Variants in CSMD1 observed in about 807,000 individuals in gnomAD.
The protein encoded by CSMD1 is CUB and sushi domain-containing protein 1.
In CSMD1, 213 loss-of-function variants were observed where a neutral mutation model predicts 417.5. The observed-to-expected ratio is 0.51, with a 90% CI of 0.46 to 0.57. CSMD1 has a LOEUF of 0.57. Among genes scored for constraint, CSMD1 ranks in the 20% least tolerant of loss-of-function variants. The probability of loss-of-function intolerance (pLI) is 0.00; values close to 1 mark genes in which losing one functional copy is unlikely to be tolerated. For missense variants in CSMD1, 6,923 were observed against 4,529.7 expected (o/e 1.53, Z -15.17); for synonymous variants, 2,862 against 1,736.8 (o/e 1.65, Z -16.11).
chr8:3,006,506 T>A (rs2128959907), intron 52 of CSMD1, among the ~76,000 whole-genome samples: 1 of 152,252 alleles, frequency 6.6e-6, no homozygotes, highest in Non-Finnish European at 1.5e-5. Context: ...GGTATCACAC[T>A]ACCTGACTTC....
chr8:3,709,033 C>T (rs1488667768), intron 6 of CSMD1, among the ~76,000 whole-genome samples: 2 of 152,188 alleles, frequency 1.3e-5, no homozygotes, highest in Non-Finnish European at 2.9e-5. Flanking sequence ...ACCAGTCCCT[C>T]CAGACGCTTT....
intron 2 of CSMD1, among the ~76,000 whole-genome samples, chr8:4,558,970 A>T (rs1798212644): frequency 6.6e-6 from 1 of 152,124 alleles, no homozygotes; most frequent in Admixed American, 6.6e-5. Flanking sequence ...ACTTTCCCTG[A>T]CTGAACTGGC....
chr8:3,635,793 C>CAAAAAAAAAAAA (rs752552617), intron 7 of CSMD1, among the ~76,000 whole-genome samples: 68 of 99,042 alleles, frequency 6.9e-4, no homozygotes, highest in East Asian at 8.4e-4. Context: ...GCTTCCATCT[C>CAAAAAAAAAAAA]AAAAAAAAAA....
At chr8:3,043,991 A>G (rs1811277422) in intron 50 of CSMD1, among the ~76,000 whole-genome samples, 2 of 152,220 alleles carry the variant, frequency 1.3e-5, no homozygotes, top group African/African-American at 4.8e-5. Context: ...CAGCAGCTTA[A>G]TGTCTACTTC....
intron 3 of CSMD1, among the ~76,000 whole-genome samples, chr8:4,372,985 T>C (rs78645142): frequency 1.3e-5 from 2 of 152,312 alleles, no homozygotes; most frequent in East Asian, 3.9e-4. Flanking sequence ...ATAAAGTGAC[T>C]TCACACTGGA....
chr8:4,086,722 C>A (rs1449491004), intron 3 of CSMD1, among the ~76,000 whole-genome samples: 2 of 152,214 alleles, frequency 1.3e-5, no homozygotes, highest in African/African-American at 2.4e-5. Flanking sequence ...AGATAGATGA[C>A]ATTGACAAGT....
intron 1 of CSMD1, among the ~76,000 whole-genome samples, chr8:4,729,967 C>G (rs1809736128): frequency 6.6e-6 from 1 of 152,154 alleles, no homozygotes; most frequent in South Asian, 2.1e-4. Flanking sequence ...AGCCTAAACA[C>G]GGGACAAATC....
At position 4,741,065 on chromosome 8, in the gene CSMD1, T is replaced by G. The variant is rs191124340; in HGVS notation, c.86-103507A>C. ...TAATCAATTTTCTTCTTAATCCTTA[T>G]GCTTTAAGGAATGAAAATATTAAAT... is the stretch of plus-strand genomic sequence containing the variant. On this transcript the variant is annotated intron_variant, in intron 1 of 69. Coordinates refer to ENST00000635120, the MANE Select transcript of CSMD1 (RefSeq NM_033225.6). Among the ~76,000 whole-genome samples, 214 of 152,354 alleles carry G rather than the reference T, an allele frequency of 1.4e-3. 1 individual carries two copies. Among genetic ancestry groups the G allele is most frequent in the African/African-American group, 5.0e-3 (209 of 41,580 alleles).
intron 2 of CSMD1, among the ~76,000 whole-genome samples, chr8:4,498,677 C>T (rs1467275258): frequency 3.3e-5 from 5 of 152,086 alleles, no homozygotes; most frequent in South Asian, 2.1e-4. Context: ...TCATGTTTAT[C>T]GAGTACCTAC....
At chr8:4,100,786 G>C (rs979203025) in intron 3 of CSMD1, among the ~76,000 whole-genome samples, 7 of 152,156 alleles carry the variant, frequency 4.6e-5, no homozygotes, top group African/African-American at 1.4e-4. Flanking sequence ...TACCTTTAGA[G>C]TATGGTGCCA....
intron 3 of CSMD1, among the ~76,000 whole-genome samples, chr8:4,297,390 T>C (rs936823460): frequency 4.6e-5 from 7 of 152,206 alleles, no homozygotes; most frequent in African/African-American, 1.4e-4. Flanking sequence ...CGTACTGTAA[T>C]TCATTTTTAT....
At chr8:4,121,479 A>T (rs1213234127) in intron 3 of CSMD1, among the ~76,000 whole-genome samples, 2 of 152,188 alleles carry the variant, frequency 1.3e-5, no homozygotes, top group African/African-American at 4.8e-5. Flanking sequence ...GCTTCTAGTT[A>T]CTTTCCTATT....
intron 3 of CSMD1, among the ~76,000 whole-genome samples, chr8:4,333,178 G>C (rs957690561): frequency 6.6e-6 from 1 of 152,086 alleles, no homozygotes; most frequent in Admixed American, 6.6e-5. Context: ...TCCTTCGCAA[G>C]TTGGGATATC....
chr8:3,469,869 A>G (rs1816986375), intron 11 of CSMD1, among the ~76,000 whole-genome samples: 1 of 152,242 alleles, frequency 6.6e-6, no homozygotes. Flanking sequence ...TGTGTGGTTA[A>G]CTAAATATGT....
intron 1 of CSMD1, among the ~76,000 whole-genome samples, chr8:4,894,227 A>G (rs1804322653): frequency 6.6e-6 from 1 of 152,090 alleles, no homozygotes; most frequent in Admixed American, 6.5e-5. Flanking sequence ...CATTTATTTC[A>G]GAATTTGAAG....
intron 2 of CSMD1, among the ~76,000 whole-genome samples, chr8:4,422,382 G>C (rs1471098094): frequency 6.6e-6 from 1 of 152,048 alleles, no homozygotes; most frequent in Non-Finnish European, 1.5e-5. Flanking sequence ...ACTAGATTTG[G>C]AAATGGGGCT....
chr8:4,005,589 T>G (rs17068510), intron 4 of CSMD1, among the ~76,000 whole-genome samples: 32,983 of 152,130 alleles, frequency 0.22, 3,684 homozygotes, highest in Middle Eastern at 0.28. Flanking sequence ...TTCCACATGG[T>G]ATTATAAGGT....
intron 26 of CSMD1, among the ~76,000 whole-genome samples, chr8:3,247,788 C>G (rs1425854732): frequency 6.6e-6 from 1 of 152,194 alleles, no homozygotes; most frequent in African/African-American, 2.4e-5. Flanking sequence ...CCAAATTACA[C>G]ATAGATTCAC....
chr8:4,936,856 T>A (rs1407600970), intron 1 of CSMD1, among the ~76,000 whole-genome samples: 1 of 152,168 alleles, frequency 6.6e-6, no homozygotes, highest in African/African-American at 2.4e-5. Context: ...TAAAACACTA[T>A]TATTTTGACT....
Sources: gnomAD v4.1 joint callset for allele counts (sites outside exome capture counted in the v4.1 genomes callset) on GRCh38, gnomAD v4.1.1 for gene constraint, MANE v1.5 for transcripts, NCBI Gene and HGNC (gene_info 2026-07-23, HGNC 2026-07-21) for gene names.